The following ZNF106 variants were observed in gnomAD, a reference collection of about 807,000 sequenced individuals.
ZNF106 encodes SH3-domain binding protein 3.
In ZNF106, 67 loss-of-function variants were observed where a neutral mutation model predicts 195.1. The observed-to-expected ratio is 0.34, with a 90% confidence interval of 0.28 to 0.42. The LOEUF is 0.42. Among genes scored for constraint, ZNF106 ranks in the 10% least tolerant of loss-of-function variants. The pLI is 1.00. For synonymous variants in ZNF106, 784 were observed against 818.6 expected, an observed-to-expected ratio of 0.96 and a Z score of 0.72; for missense variants, 2,118 against 2,304.5, an observed-to-expected ratio of 0.92 and a Z score of 1.66.
chr15:42,474,451 T>G (rs1200555025), intron 1 of ZNF106, among the ~76,000 whole-genome samples: 1 of 152,188 alleles, frequency 6.6e-6, no homozygotes, highest in Admixed American at 6.5e-5. Context: ...GTTTAGTAAC[T>G]GAGCTGAGTA....
intron 14 of ZNF106, among the ~76,000 whole-genome samples, chr15:42,431,840 C>G (rs894657418): frequency 2.6e-5 from 4 of 152,174 alleles, no homozygotes; most frequent in Middle Eastern, 3.2e-3. Context: ...TCTCGAACTC[C>G]TGACCTCAAG....
chr15:42,465,197 G>A (rs2056487952), intron 3 of ZNF106, among the ~76,000 whole-genome samples: 1 of 152,076 alleles, frequency 6.6e-6, no homozygotes, highest in African/African-American at 2.4e-5. Context: ...CACTGCACCT[G>A]GCCTACATTT....
In ZNF106 at chr15:42,417,665, C is replaced by T. The variant is rs1246768663; in HGVS notation, c.5664+140G>A. 7.2e-5 allele frequency: 75 copies of T among 1,040,236 alleles called. 1 individual carries two copies. The South Asian group carries it at 1.4e-3, about 20-fold the overall frequency. 64.4% of individuals were successfully genotyped at this position (1,040,236 alleles called of 1,614,324 possible). A position where few individuals can be genotyped will look rare whatever the true frequency, so the allele number is the denominator to read the frequency against. ...CATTTGCAACTTCATTAAGCTACCC[C>T]CCAAATCTCTGAATCATAAAAATAA... On this transcript the variant is annotated intron_variant, in intron 21 of 21. Transcript: ENST00000564754.
chr15:42,446,190 G>A (rs1229258067), intron 7 of ZNF106, among the ~76,000 whole-genome samples: 1 of 152,078 alleles, frequency 6.6e-6, no homozygotes, highest in East Asian at 1.9e-4. Flanking sequence ...CTTAAGCAAG[G>A]CAACAAAAAT....
rs1567005481 is a variant in ZNF106 at position 42,437,134 on chromosome 15, T to A, written c.4746+98A>T. 8 of 1,354,372 alleles carry A rather than the reference T, an allele frequency of 5.9e-6. No individual in the cohort carries two copies. The South Asian group carries it at 1.0e-4, about 17-fold the overall frequency. 83.9% of individuals were successfully genotyped at this position (1,354,372 alleles called of 1,614,324 possible). A position where few individuals can be genotyped will look rare whatever the true frequency, so the allele number is the denominator to read the frequency against. ...GTCAATCTCAGGCCCACCCCTTCCT[T>A]CAGACAGCCAACAAATTCCCTTTAT... On this transcript the variant is annotated intron_variant, in intron 13 of 21. Coordinates refer to ENST00000564754, the MANE Select transcript of ZNF106 (RefSeq NM_001366845.3).
intron 2 of ZNF106, among the ~76,000 whole-genome samples, chr15:42,469,882 A>G (rs537616306): frequency 8.1e-4 from 123 of 151,786 alleles, no homozygotes; most frequent in African/African-American, 2.8e-3. Flanking sequence ...GAAAAAAAAG[A>G]AAGAAAGAAA....
At chr15:42,436,242 T>C (rs1322129977) in intron 13 of ZNF106, among the ~76,000 whole-genome samples, 1 of 152,154 alleles carries the variant, frequency 6.6e-6, no homozygotes, top group Non-Finnish European at 1.5e-5. Context: ...TGTGAGCCAC[T>C]GTGCCCGGCC....
intron 1 of ZNF106, among the ~76,000 whole-genome samples, chr15:42,481,258 T>A (rs143913024): frequency 6.6e-6 from 1 of 152,030 alleles, no homozygotes; most frequent in African/African-American, 2.4e-5. Flanking sequence ...CCCTACAGCC[T>A]GAAGAACTTC....
chr15:42,488,140 T>C (rs922174512), intron 1 of ZNF106, among the ~76,000 whole-genome samples: 1 of 151,364 alleles, frequency 6.6e-6, no homozygotes, highest in African/African-American at 2.4e-5. Flanking sequence ...AATTTGTGAA[T>C]TTTTTTTCCC....
chr15:42,466,727 C>G (rs2056525641), intron 2 of ZNF106, among the ~76,000 whole-genome samples: 1 of 152,198 alleles, frequency 6.6e-6, no homozygotes, highest in South Asian at 2.1e-4. Flanking sequence ...CTGTCCACTC[C>G]CTCACTTCCC....
At chr15:42,488,447 G>A (rs1021857414) in intron 1 of ZNF106, among the ~76,000 whole-genome samples, 2 of 150,766 alleles carry the variant, frequency 1.3e-5, no homozygotes, top group Non-Finnish European at 3.0e-5. Context: ...GCACAAACAT[G>A]CACACACACA....
rs1304063960 is a variant in ZNF106, at chr15:42,442,197, G to C, written c.3639C>G (p.Val1213=). ...TSPTFQTHGS[V]PAPDSSVQIK... is the part of the protein sequence containing the mutation. Reference sequence around the variant, plus strand: ...TCTGAACTGATGAGTCTGGAGCAGGGACACTGCCATGGGTTTGGAAAGTAG... The same window carrying C: ...TCTGAACTGATGAGTCTGGAGCAGGCACACTGCCATGGGTTTGGAAAGTAG... Residue 1213 remains valine (V), a synonymous_variant, in exon 10 of 22, where the codon GTC becomes GTG. Transcript: ENST00000564754. 1.9e-6 allele frequency: 3 copies of C among 1,614,060 alleles called. No individual in the cohort carries two copies. In the Admixed American group the frequency reaches 5.0e-5, roughly 27 times the overall value.
Position 42,417,255 on chromosome 15 carries a change from T to G in ZNF106, c.*49A>C. 1.9e-6 allele frequency: 3 copies of G among 1,605,236 alleles called. No individual in the cohort carries two copies. The highest frequency in any genetic ancestry group is 2.6e-6 in the Non-Finnish European group (3 of 1,172,162). On this transcript the variant is annotated 3_prime_UTR_variant, in exon 22 of 22. Coordinates refer to ENST00000564754, the MANE Select transcript of ZNF106 (RefSeq NM_001366845.3). ...GAGAGTGGCCTGTGTGGGGGGCCAA[T>G]GTGAAAATAGTTCAACTAATGACTT... is the stretch of plus-strand genomic sequence containing the variant.
chr15:42,474,341 G>A (rs1420904639), intron 1 of ZNF106, among the ~76,000 whole-genome samples: 1 of 148,014 alleles, frequency 6.8e-6, no homozygotes. Flanking sequence ...AGTATAGTTC[G>A]GTCTAGCACT....
At chr15:42,488,400 T>C (rs1422234423) in intron 1 of ZNF106, among the ~76,000 whole-genome samples, 2 of 152,180 alleles carry the variant, frequency 1.3e-5, no homozygotes, top group Admixed American at 6.6e-5. Context: ...GATGAAGACC[T>C]GGGAGCTTCT....
rs1338303604 is a variant in ZNF106, at chr15:42,448,711, G to A, written c.2502-6C>T. On this transcript the variant is annotated splice_polypyrimidine_tract_variant and splice_region_variant and intron_variant, in intron 5 of 21. Transcript: ENST00000564754. Reference sequence around the variant, plus strand: ...GTACCATTTCTATGCCAAACCTTAAGGAAGAAAGAAAAAATGAAAACATAA... The same window carrying A: ...GTACCATTTCTATGCCAAACCTTAAAGAAGAAAGAAAAAATGAAAACATAA... 6 of 1,572,124 alleles carry A rather than the reference G, an allele frequency of 3.8e-6. No individual in the cohort carries two copies. Among genetic ancestry groups the A allele is most frequent in the Middle Eastern group, 1.7e-4 (1 of 5,806 alleles).
At position 42,442,099 on chromosome 15, in the gene ZNF106, A is replaced by G. The variant is rs549220716; in HGVS notation, c.3737T>C (p.Val1246Ala). The change falls in exon 10 of 22, where the codon GTG becomes GCG. Residue 1246 changes from valine to alanine, a missense_variant. Coordinates refer to ENST00000564754, the MANE Select transcript of ZNF106 (RefSeq NM_001366845.3). ...NAVPPSSACN[V>A]SKELLEANRE... ...ATTAGCTTCCAGTAATTCCTTGGAC[A>G]CATTGCAGGCAGAGCTTGGTGGCAC... 6.2e-7 allele frequency: 1 copy of G among 1,613,230 alleles called. No individual in the cohort carries two copies. The highest frequency in any genetic ancestry group is 1.3e-5 in the African/African-American group (1 of 74,956).
intron 3 of ZNF106, among the ~76,000 whole-genome samples, chr15:42,458,686 T>G (rs2056308278): frequency 6.6e-6 from 1 of 150,500 alleles, no homozygotes; most frequent in South Asian, 2.1e-4. Context: ...CCAGCCTGGG[T>G]GATAGAGCCA....
At chr15:42,443,379 C>T (rs1158759912) in intron 9 of ZNF106, among the ~76,000 whole-genome samples, 3 of 152,112 alleles carry the variant, frequency 2.0e-5, no homozygotes, top group Non-Finnish European at 1.5e-5. Flanking sequence ...GGCCTGTAAT[C>T]CCAACCATTT....
Sources: allele counts gnomAD v4.1 joint callset (sites outside exome capture counted in the v4.1 genomes callset), GRCh38; gene constraint gnomAD v4.1.1; transcripts MANE v1.5; gene names NCBI Gene and HGNC (gene_info 2026-07-23, HGNC 2026-07-21).